The following EXTL3 variants were observed in gnomAD, a reference collection of about 807,000 sequenced individuals.
The protein encoded by EXTL3 is exostosin like glycosyltransferase 3.
In EXTL3, 27 loss-of-function variants were observed where a neutral mutation model predicts 69.3. The ratio of observed to expected loss-of-function variants is 0.39; its 90% CI spans 0.29 to 0.54. The LOEUF is 0.54. EXTL3 is among the 20% of genes least tolerant of loss of function. The pLI, the probability that EXTL3 is intolerant of heterozygous loss-of-function variation, is 0.69. For synonymous variants in EXTL3, 511 were observed against 499.4 expected, an observed-to-expected ratio of 1.02 and a Z score of -0.31; for missense variants, 1,003 against 1,231.8, an observed-to-expected ratio of 0.81 and a Z score of 2.78.
At chr8:28,664,582 A>AT (rs558294195) in intron 1 of EXTL3, among the ~76,000 whole-genome samples, 1 of 151,812 alleles carries the variant, frequency 6.6e-6, no homozygotes, top group African/African-American at 2.4e-5. Flanking sequence ...AGGTCTCAAT[A>AT]TTTTTTTTCA....
intron 1 of EXTL3, among the ~76,000 whole-genome samples, chr8:28,624,351 C>G (rs1012489463): frequency 2.6e-5 from 4 of 152,126 alleles, no homozygotes; most frequent in African/African-American, 9.7e-5. Flanking sequence ...ATTGCTTGAG[C>G]TCAAGAGTTC....
intron 1 of EXTL3, among the ~76,000 whole-genome samples, chr8:28,692,257 GA>G (rs1249622646): frequency 6.6e-6 from 1 of 152,170 alleles, no homozygotes; most frequent in Non-Finnish European, 1.5e-5. Context: ...TGGATTTGTA[GA>G]AATATGGTCA....
chr8:28,609,751 G>A (rs555585632), intron 2 of EXTL3, among the ~76,000 whole-genome samples: 4 of 151,864 alleles, frequency 2.6e-5, no homozygotes, highest in South Asian at 4.2e-4. Flanking sequence ...ATAACTGCGC[G>A]TGATGGTGTG....
Position 28,702,244 on chromosome 8 carries a change from C to G in EXTL3, c.-570+585C>G, listed in dbSNP as rs865793317. On this transcript the variant is annotated intron_variant, in intron 1 of 6. Coordinates refer to ENST00000220562, the MANE Select transcript of EXTL3 (RefSeq NM_001440.4). ...CTCGCCTCCTTTCAGGAGCCACAGT[C>G]AGAGGAGCCGCTTCCTGTCCGAGGG... Among the ~76,000 whole-genome samples, 10 of 152,314 alleles carry G rather than the reference C, an allele frequency of 6.6e-5. 1 individual carries two copies. The Middle Eastern group carries it at 0.031, about 466-fold the overall frequency.
intron 4 of EXTL3, among the ~76,000 whole-genome samples, chr8:28,735,067 A>T (rs1179452149): frequency 1.4e-5 from 2 of 143,412 alleles, no homozygotes; most frequent in Non-Finnish European, 3.0e-5. Flanking sequence ...AGCTGTGATT[A>T]AAAAAAAAAT....
At chr8:28,735,242 G>A (rs1023430357) in intron 4 of EXTL3, among the ~76,000 whole-genome samples, 3 of 152,208 alleles carry the variant, frequency 2.0e-5, no homozygotes, top group South Asian at 2.1e-4. Context: ...ATGCTGCAGC[G>A]TGATGCAGTT....
chr8:28,692,954 G>A (rs1197347597), intron 1 of EXTL3, among the ~76,000 whole-genome samples: 2 of 152,074 alleles, frequency 1.3e-5, no homozygotes, highest in African/African-American at 2.4e-5. Context: ...GACATGTTGC[G>A]TCTAACTGAG....
chr8:28,717,850 C>T lies in EXTL3; in HGVS notation c.1791C>T (p.Val597=), dbSNP rs996983305. The T allele has an allele frequency of 2.5e-6, 4 of 1,612,566 alleles. No individual in the cohort carries two copies. The highest frequency in any genetic ancestry group is 3.4e-6 in the Non-Finnish European group (4 of 1,178,766). Residue 597 remains valine, a synonymous_variant, in exon 3 of 7, where the codon GTC becomes GTT. Coordinates refer to ENST00000220562, the MANE Select transcript of EXTL3 (RefSeq NM_001440.4). The surrounding 1 kb of genome is among the most constrained non-coding windows in gnomAD (Gnocchi z 8.3). ...ACCTCCGCAATTTCACTCTGACTGTCACTGACTTTTACCGCAGCTGGAACT... is the reference window on the plus strand; with the variant it reads ...ACCTCCGCAATTTCACTCTGACTGTTACTGACTTTTACCGCAGCTGGAACT... The part of the protein sequence containing the change: ...PRYLRNFTLT[V]TDFYRSWNCA...
In EXTL3 at chr8:28,750,856, A is replaced by G; in HGVS notation, c.2750A>G (p.Lys917Arg). 1.9e-6 allele frequency: 3 copies of G among 1,614,032 alleles called. No homozygotes were observed. The highest frequency in any genetic ancestry group is 2.5e-6 in the Non-Finnish European group (3 of 1,179,944). Reference protein sequence around the residue: ...RLPHDKTKCFKFI With the variant: ...RLPHDKTKCFRFI ...CCCCATGACAAGACCAAGTGCTTCA[A>G]GTTCATCTAGGGGCAGCGCACGGTC... Residue 917 changes from lysine (K) to arginine (R), a missense_variant, in exon 7 of 7, where the codon AAG becomes AGG. Physicochemically the swap from Lys to Arg is conservative, Grantham distance 26. This residue lies in a region of EXTL3 where 261 missense variants were observed against 416.4 expected (regional missense o/e 0.63). Coordinates refer to ENST00000220562, the MANE Select transcript of EXTL3 (RefSeq NM_001440.4). This position sits in a 1 kb window ranked among gnomAD's most constrained non-coding sequence, Gnocchi z 5.2.
chr8:28,685,460 C>T (rs1807562213), intron 1 of EXTL3, among the ~76,000 whole-genome samples: 2 of 150,554 alleles, frequency 1.3e-5, no homozygotes, highest in Admixed American at 1.3e-4. Flanking sequence ...TTTTTGACGA[C>T]ATTGACATTT....
chr8:28,635,992 T>G (rs1434898066), intron 1 of EXTL3, among the ~76,000 whole-genome samples: 1 of 152,072 alleles, frequency 6.6e-6, no homozygotes, highest in Non-Finnish European at 1.5e-5. Context: ...AGTGCTGGCA[T>G]TACAGGCATG....
chr8:28,621,989 T>A (rs1325566933), upstream of EXTL3, among the ~76,000 whole-genome samples: 1 of 152,262 alleles, frequency 6.6e-6, no homozygotes, highest in Non-Finnish European at 1.5e-5. Flanking sequence ...AATTTATTTT[T>A]TAACTGCATT....
intron 2 of EXTL3, among the ~76,000 whole-genome samples, chr8:28,611,847 C>G (rs1314604937): frequency 6.6e-6 from 1 of 152,206 alleles, no homozygotes; most frequent in Non-Finnish European, 1.5e-5. Context: ...GGGTTAAATA[C>G]AGAACCGAGT....
rs1353742675 is a variant in EXTL3, at chr8:28,755,011, TG to T, written c.*4147del. ...GCAGATCTTGGGCTGCCCATCACAC[TG>T]GTGGAGAGCAAGTTATCTATTACTA... is the stretch of plus-strand genomic sequence containing the variant. On this transcript the variant is annotated 3_prime_UTR_variant, in exon 7 of 7. Coordinates refer to ENST00000220562, the MANE Select transcript of EXTL3 (RefSeq NM_001440.4). 1.3e-5 allele frequency: 2 copies of T among 152,222 alleles called. No homozygotes were observed. Among genetic ancestry groups the T allele is most frequent in the Non-Finnish European group, 2.9e-5 (2 of 68,044 alleles). The allele number at this position is 152,222 out of a possible 1,614,324, so 9.4% of individuals were successfully genotyped here. A position where few individuals can be genotyped will look rare whatever the true frequency, so the allele number is the denominator to read the frequency against.
At chr8:28,622,215 T>C (rs755619294), upstream of EXTL3, among the ~76,000 whole-genome samples, 1 of 152,266 alleles carries the variant, frequency 6.6e-6, no homozygotes, top group Non-Finnish European at 1.5e-5. Context: ...GTCTTAACGC[T>C]GTTTTCGCGT....
intron 1 of EXTL3, among the ~76,000 whole-genome samples, chr8:28,674,161 C>T (rs1230755190): frequency 6.6e-6 from 1 of 152,176 alleles, no homozygotes; most frequent in African/African-American, 2.4e-5. Flanking sequence ...CTCACTGCAG[C>T]CTTGACTGCT....
At chr8:28,645,235 T>C (rs955842122) in intron 1 of EXTL3, among the ~76,000 whole-genome samples, 1 of 152,254 alleles carries the variant, frequency 6.6e-6, no homozygotes, top group African/African-American at 2.4e-5. Context: ...GTTTGTGCTT[T>C]AATTTAAAAA....
chr8:28,722,953 G>A (rs1470220216), intron 3 of EXTL3, among the ~76,000 whole-genome samples: 1 of 151,978 alleles, frequency 6.6e-6, no homozygotes, highest in Non-Finnish European at 1.5e-5. Flanking sequence ...AGGGAAAAGG[G>A]AAGACTGGAA....
intron 1 of EXTL3, among the ~76,000 whole-genome samples, chr8:28,648,985 C>T (rs780075179): frequency 1.7e-4 from 26 of 152,120 alleles, no homozygotes; most frequent in Admixed American, 3.3e-4. Flanking sequence ...CCTCTGCCTC[C>T]GGGTTCAAGA....
Sources: allele counts gnomAD v4.1 joint callset (sites outside exome capture counted in the v4.1 genomes callset), GRCh38; gene constraint gnomAD v4.1.1; regional missense constraint gnomAD v4.1.1; non-coding constraint Gnocchi (gnomAD v3.1); transcripts MANE v1.5; gene names NCBI Gene and HGNC (gene_info 2026-07-23, HGNC 2026-07-21).